The following OXR1 variants were observed in gnomAD, a reference collection of about 807,000 sequenced individuals.
The protein encoded by OXR1 is oxidation resistance 1, also known as oxidation resistance protein 1.
In OXR1, 41 loss-of-function variants were observed where a neutral mutation model predicts 104.6. That is an observed-to-expected ratio of 0.39 (90% CI 0.31 to 0.51). OXR1 has a LOEUF of 0.51. Ranked by LOEUF, OXR1 falls within the 20% of genes least tolerant of loss-of-function variation. The pLI is 0.77. For missense variants in OXR1, 955 were observed against 1,031.9 expected (o/e 0.93, Z 1.02); for synonymous variants, 348 against 348.4 (o/e 1.00, Z 0.01).
chr8:106,661,338 A>G (rs1825746396), intron 3 of OXR1, among the ~76,000 whole-genome samples: 1 of 152,194 alleles, frequency 6.6e-6, no homozygotes, highest in South Asian at 2.1e-4. Context: ...TGCTGGCTCC[A>G]TCATTATAGC....
At chr8:106,501,659 C>G (rs1811816852) in intron 2 of OXR1, among the ~76,000 whole-genome samples, 1 of 152,106 alleles carries the variant, frequency 6.6e-6, no homozygotes, top group Non-Finnish European at 1.5e-5. Context: ...TGAAATGCCT[C>G]CTGCCTCTGC....
intron 2 of OXR1, among the ~76,000 whole-genome samples, chr8:106,453,790 T>TC (rs1390380736): frequency 6.6e-6 from 1 of 152,136 alleles, no homozygotes; most frequent in Non-Finnish European, 1.5e-5. Flanking sequence ...CTCACTGTTA[T>TC]CCCCCCAGCA....
intron 2 of OXR1, among the ~76,000 whole-genome samples, chr8:106,502,509 TC>T (rs1811878888): frequency 6.6e-6 from 1 of 152,200 alleles, no homozygotes; most frequent in Non-Finnish European, 1.5e-5. Context: ...GATTTTTACC[TC>T]TCCATAGCAA....
At chr8:106,541,671 C>A (rs1348871876) in intron 3 of OXR1, among the ~76,000 whole-genome samples, 1 of 152,122 alleles carries the variant, frequency 6.6e-6, no homozygotes, top group African/African-American at 2.4e-5. Flanking sequence ...TGGCTGATAC[C>A]TGAGAAGCAA....
At chr8:106,492,876 G>A (rs1398217500) in intron 2 of OXR1, among the ~76,000 whole-genome samples, 3 of 152,198 alleles carry the variant, frequency 2.0e-5, no homozygotes, top group Admixed American at 6.5e-5. Flanking sequence ...TAAATAGGAG[G>A]GTCTGTGTTT....
Position 106,385,165 on chromosome 8 carries a change from C to T in OXR1, c.23+25529C>T, listed in dbSNP as rs1048012202. On this transcript the variant is annotated intron_variant, in intron 2 of 16. Transcript: ENST00000517566. ...TCAAAGTGAACATCCTAGGGCAGGA[C>T]TGTGCAACTCCTTCAAAGAAGAATG... Among the ~76,000 whole-genome samples, 4 of 152,196 alleles carry T rather than the reference C, an allele frequency of 2.6e-5. No homozygotes were observed. The East Asian group carries it at 5.8e-4, about 22-fold the overall frequency.
Position 106,640,657 on chromosome 8 carries a change from TAAA to T in OXR1, c.221-38550_221-38548del, listed in dbSNP as rs1823555531. ...ACTTTGGGAAGTAACTTCGATAGCA[TAAA>T]AATAACATTTATTTCTTTGCAAATC... On this transcript the variant is annotated intron_variant, in intron 3 of 16. Coordinates refer to ENST00000517566, the MANE Select transcript of OXR1 (RefSeq NM_001198533.2). Among the ~76,000 whole-genome samples, 19 of 152,264 alleles carry T rather than the reference TAAA, an allele frequency of 1.2e-4. 1 individual carries two copies. In the South Asian group the frequency reaches 3.7e-3, roughly 30 times the overall value.
chr8:106,621,516 T>TAA (rs3046754), intron 3 of OXR1, among the ~76,000 whole-genome samples: 4,337 of 138,152 alleles, frequency 0.031, 73 homozygotes, highest in Admixed American at 0.056. Context: ...TCAATAAGAG[T>TAA]AAAAAAAAAA....
intron 11 of OXR1, among the ~76,000 whole-genome samples, chr8:106,727,793 C>G (rs971809459): frequency 6.6e-6 from 1 of 152,134 alleles, no homozygotes; most frequent in African/African-American, 2.4e-5. Flanking sequence ...AAGAATGCTT[C>G]CTACTCATTG....
At chr8:106,470,437 G>A (rs11990626) in intron 2 of OXR1, among the ~76,000 whole-genome samples, 9,411 of 151,778 alleles carry the variant, frequency 0.062, 713 homozygotes, top group African/African-American at 0.18. Context: ...ATTTTGGCCT[G>A]AGCAACTGAA....
intron 2 of OXR1, among the ~76,000 whole-genome samples, chr8:106,427,470 A>G (rs1355606462): frequency 1.3e-5 from 2 of 152,190 alleles, no homozygotes; most frequent in East Asian, 1.9e-4. Flanking sequence ...TAAGAGAATA[A>G]AAGAGACTGA....
intron 2 of OXR1, among the ~76,000 whole-genome samples, chr8:106,419,840 C>G (rs564591791): frequency 6.6e-6 from 1 of 152,206 alleles, no homozygotes; most frequent in South Asian, 2.1e-4. Context: ...CTATGGAAAT[C>G]AACATGCGAA....
chr8:106,404,049 G>C (rs1156301213), intron 2 of OXR1, among the ~76,000 whole-genome samples: 1 of 152,150 alleles, frequency 6.6e-6, no homozygotes, highest in Non-Finnish European at 1.5e-5. Context: ...GCAATGCAGG[G>C]TTAATCCCCT....
chr8:106,495,887 C>A (rs911425243), intron 2 of OXR1, among the ~76,000 whole-genome samples: 4 of 151,898 alleles, frequency 2.6e-5, no homozygotes, highest in African/African-American at 7.3e-5. Flanking sequence ...AAGTAATTAA[C>A]CTTCATATAG....
intron 7 of OXR1, chr8:106,697,496 C>T (rs1432827617): frequency 3.7e-6 from 6 of 1,609,346 alleles, no homozygotes; most frequent in South Asian, 1.1e-5. Context: ...AGCCCGATCA[C>T]GTTCTTGCCC....
chr8:106,491,887 A>G (rs985487706), intron 2 of OXR1, among the ~76,000 whole-genome samples: 1 of 152,196 alleles, frequency 6.6e-6, no homozygotes, highest in African/African-American at 2.4e-5. Flanking sequence ...CACCTTTAGT[A>G]TGTTACCTCT....
At chr8:106,336,629 C>G (rs1471441577) in intron 1 of OXR1, among the ~76,000 whole-genome samples, 1 of 152,216 alleles carries the variant, frequency 6.6e-6, no homozygotes, top group East Asian at 1.9e-4. Flanking sequence ...GTCTTGCCCC[C>G]TCTACCCACT....
intron 1 of OXR1, among the ~76,000 whole-genome samples, chr8:106,302,782 CG>C (rs1365541057): frequency 6.6e-6 from 1 of 151,832 alleles, no homozygotes; most frequent in Non-Finnish European, 1.5e-5. Flanking sequence ...GACAGAGTCT[CG>C]CTCTGTCACC....
In OXR1 at chr8:106,707,398, C is replaced by G. The variant is rs1831250093; in HGVS notation, c.1624+253C>G. 8.4e-6 allele frequency: 5 copies of G among 596,902 alleles called. No homozygotes were observed. The South Asian group carries it at 1.1e-4, about 13-fold the overall frequency. The allele number at this position is 596,902 out of a possible 1,614,324, so 37.0% of individuals were successfully genotyped here. On this transcript the variant is annotated intron_variant, in intron 9 of 16. Coordinates refer to ENST00000517566, the MANE Select transcript of OXR1 (RefSeq NM_001198533.2). The stretch of plus-strand genomic sequence containing the variant: ...TTTAAACATTCTTGGCTCACTACAT[C>G]GTATCATTAAACAATTTATTTCTTG...
Sources: allele counts gnomAD v4.1 joint callset (sites outside exome capture counted in the v4.1 genomes callset), GRCh38; gene constraint gnomAD v4.1.1; transcripts MANE v1.5; gene names NCBI Gene and HGNC (gene_info 2026-07-23, HGNC 2026-07-21).